DPYD: variants seen among roughly 807,000 people sequenced by gnomAD.
The protein encoded by DPYD is dihydropyrimidine dehydrogenase [NADP(+)].
DPYD carries 109 observed loss-of-function variants against 116.2 expected under a neutral mutation model. The observed-to-expected ratio is 0.94, with a 90% confidence interval of 0.80 to 1.10. DPYD has a LOEUF of 1.10. Ranked by LOEUF, DPYD falls within the 50% of genes least tolerant of loss-of-function variation. DPYD has a pLI of 0.00. For missense variants in DPYD, 1,302 were observed against 1,254.5 expected, an observed-to-expected ratio of 1.04 and a Z score of -0.57; for synonymous variants, 440 against 432.0, an observed-to-expected ratio of 1.02 and a Z score of -0.23.
At chr1:97,232,171 G>A (rs1311379933) in intron 19 of DPYD, among the ~76,000 whole-genome samples, 3 of 152,116 alleles carry the variant, frequency 2.0e-5, no homozygotes, top group Admixed American at 6.5e-5. Flanking sequence ...ATTTCTGAAG[G>A]ATACAGGATT....
intron 3 of DPYD, among the ~76,000 whole-genome samples, chr1:97,801,787 C>T (rs1667858741): frequency 1.3e-5 from 2 of 151,788 alleles, no homozygotes; most frequent in African/African-American, 2.4e-5. Flanking sequence ...TGCCTCCTCT[C>T]CCTTATTGAA....
chr1:97,595,191 T>G (rs763265085), intron 8 of DPYD, 25 bp from the exon 9 acceptor site: 2 of 1,590,300 alleles, frequency 1.3e-6, no homozygotes, highest in South Asian at 2.2e-5. Flanking sequence ...TTATAAAATA[T>G]CATTAGCAGG....
chr1:97,326,805 T>C (rs539460297), intron 16 of DPYD, among the ~76,000 whole-genome samples: 1 of 152,014 alleles, frequency 6.6e-6, no homozygotes, highest in African/African-American at 2.4e-5. Flanking sequence ...AAACTAACAA[T>C]AAATTAATCT....
At chr1:97,582,650 G>C (rs2102215837) in intron 10 of DPYD, among the ~76,000 whole-genome samples, 1 of 152,270 alleles carries the variant, frequency 6.6e-6, no homozygotes, top group South Asian at 2.1e-4. Flanking sequence ...AAAGTTTGCT[G>C]AGACCACAAA....
chr1:97,581,427 C>T (rs367885863), intron 10 of DPYD, among the ~76,000 whole-genome samples: 5 of 151,122 alleles, frequency 3.3e-5, no homozygotes, highest in African/African-American at 1.2e-4. Context: ...GGCATTTCAC[C>T]TAGCAGTAGT....
At chr1:97,819,984 A>G (rs1557986198) in intron 3 of DPYD, among the ~76,000 whole-genome samples, 1 of 152,134 alleles carries the variant, frequency 6.6e-6, no homozygotes, top group Non-Finnish European at 1.5e-5. Flanking sequence ...AGAATAAGAT[A>G]AAGTAGAATA....
intron 20 of DPYD, among the ~76,000 whole-genome samples, chr1:97,181,496 A>G (rs896162833): frequency 1.3e-5 from 2 of 152,118 alleles, no homozygotes; most frequent in Non-Finnish European, 2.9e-5. Flanking sequence ...TTTACCTGGA[A>G]AGTGAACACT....
chr1:97,907,245 G>A (rs952694465), intron 1 of DPYD, among the ~76,000 whole-genome samples: 1 of 152,038 alleles, frequency 6.6e-6, no homozygotes, highest in Non-Finnish European at 1.5e-5. Context: ...TGGATGAAGG[G>A]GAACTGCTGT....
At chr1:97,293,273 T>A (rs1445488630) in intron 18 of DPYD, among the ~76,000 whole-genome samples, 1 of 152,194 alleles carries the variant, frequency 6.6e-6, no homozygotes, top group Non-Finnish European at 1.5e-5. Flanking sequence ...TCCTACAATA[T>A]GTTAAGACAT....
At chr1:97,558,910 A>G (rs900201290) in intron 11 of DPYD, among the ~76,000 whole-genome samples, 3 of 152,210 alleles carry the variant, frequency 2.0e-5, no homozygotes, top group Non-Finnish European at 4.4e-5. Flanking sequence ...CCAGGAGGTC[A>G]GTGTCCTTGA....
chr1:97,571,522 C>T (rs936143656), intron 11 of DPYD, among the ~76,000 whole-genome samples: 1 of 151,750 alleles, frequency 6.6e-6, no homozygotes, highest in African/African-American at 2.4e-5. Flanking sequence ...TCACTGAAGT[C>T]TGGGCAAAGT....
At chr1:97,653,537 T>C (rs1350764933) in intron 8 of DPYD, among the ~76,000 whole-genome samples, 1 of 152,102 alleles carries the variant, frequency 6.6e-6, no homozygotes, top group East Asian at 1.9e-4. Context: ...TCTCCTGACC[T>C]CGTGATCTGC....
intron 16 of DPYD, among the ~76,000 whole-genome samples, chr1:97,349,995 CA>C (rs1670062183): frequency 6.9e-6 from 1 of 144,682 alleles, no homozygotes; most frequent in Non-Finnish European, 1.5e-5. Context: ...GCTATGTAAG[CA>C]AAAAGAGAAG....
intron 16 of DPYD, among the ~76,000 whole-genome samples, chr1:97,345,515 C>T (rs1274913024): frequency 5.3e-5 from 8 of 151,884 alleles, no homozygotes; most frequent in Admixed American, 5.3e-4. Context: ...AAAATGGAGT[C>T]CAAGTGGAAT....
intron 2 of DPYD, among the ~76,000 whole-genome samples, chr1:97,874,960 G>C (rs1671835476): frequency 6.6e-6 from 1 of 151,836 alleles, no homozygotes; most frequent in African/African-American, 2.4e-5. Context: ...TAATTCCAGA[G>C]ATGTGAAACT....
At chr1:97,385,268 A>G (rs1471325650) in intron 14 of DPYD, among the ~76,000 whole-genome samples, 1 of 116,440 alleles carries the variant, frequency 8.6e-6, no homozygotes, top group African/African-American at 3.3e-5. Flanking sequence ...CTCTTGGTGT[A>G]GGCATTCCTT....
At chr1:97,418,522 A>C (rs1368804620) in intron 14 of DPYD, among the ~76,000 whole-genome samples, 1 of 151,572 alleles carries the variant, frequency 6.6e-6, no homozygotes, top group African/African-American at 2.4e-5. Context: ...CTGGTTTCGA[A>C]CTCCTGACCT....
intron 5 of DPYD, among the ~76,000 whole-genome samples, chr1:97,711,995 T>C (rs1362168309): frequency 1.4e-4 from 22 of 152,076 alleles, no homozygotes. Flanking sequence ...TAATTGTCAT[T>C]TGGTTTTCCA....
At chr1:97,778,515 T>C (rs1666551106) in intron 3 of DPYD, among the ~76,000 whole-genome samples, 1 of 152,084 alleles carries the variant, frequency 6.6e-6, no homozygotes. Context: ...CATAGACTAA[T>C]GCTATTTATT....
Sources: allele counts gnomAD v4.1 joint callset (sites outside exome capture counted in the v4.1 genomes callset), GRCh38; gene constraint gnomAD v4.1.1; transcripts MANE v1.5; gene names NCBI Gene and HGNC (gene_info 2026-07-23, HGNC 2026-07-21).